KCNC1: variants seen among roughly 807,000 people sequenced by gnomAD.
The protein encoded by KCNC1 is voltage-gated potassium channel KCNC1.
KCNC1 carries 8 observed loss-of-function variants against 43.4 expected under a neutral mutation model. The observed-to-expected ratio is 0.18, with a 90% CI of 0.11 to 0.33. The LOEUF (loss-of-function observed/expected upper bound fraction) is 0.33. Among genes scored for constraint, KCNC1 ranks in the 10% least tolerant of loss-of-function variants. KCNC1 has a pLI of 1.00. For synonymous variants in KCNC1, 361 were observed against 360.5 expected, an observed-to-expected ratio of 1.00 and a Z score of -0.01; for missense variants, 420 against 836.0, an observed-to-expected ratio of 0.50 and a Z score of 6.14.
In KCNC1 at chr11:17,772,465, G is replaced by A. The variant is rs1271069886; in HGVS notation, c.1371G>A (p.Lys457=). ...AGCAGAAACTACCAAAGAAAAAAAA[G>A]AAGCATATTCCGCGGCCACCGCAGC... ...MAKQKLPKKK[K]KHIPRPPQLG... Residue 457 remains lysine (K), a synonymous_variant, in exon 2 of 4, where the codon AAG becomes AAA. Coordinates refer to ENST00000265969, the MANE Select transcript of KCNC1 (RefSeq NM_001112741.2). 1 of 1,614,156 alleles carries A rather than the reference G, an allele frequency of 6.2e-7. No individual in the cohort carries two copies. The highest frequency in any genetic ancestry group is 2.2e-5 in the East Asian group (1 of 44,878).
chr11:17,753,707 T>G (rs1392459039), intron 1 of KCNC1, among the ~76,000 whole-genome samples: 12 of 131,500 alleles, frequency 9.1e-5, no homozygotes, highest in South Asian at 2.9e-4. Flanking sequence ...GCGTGGGGGG[T>G]GGGGAGGGGG....
At position 17,779,739 on chromosome 11, in the gene KCNC1, C is replaced by A. The variant is rs1849326351; in HGVS notation, c.1693+95C>A. ...GGCGGCGGGCAAGGGCGCTGAGGGG[C>A]AGGCAGGCACACCGAGGGGGGCAAG... On this transcript the variant is annotated intron_variant, in intron 3 of 3. Coordinates refer to ENST00000265969, the MANE Select transcript of KCNC1 (RefSeq NM_001112741.2). This position sits in a 1 kb window ranked among gnomAD's most constrained non-coding sequence, Gnocchi z 7.2. The A allele has an allele frequency of 9.9e-7, 1 of 1,013,802 alleles. No homozygotes were observed. Among genetic ancestry groups the A allele is most frequent in the East Asian group, 3.1e-5 (1 of 32,608 alleles). 62.8% of individuals were successfully genotyped at this position (1,013,802 alleles called of 1,614,324 possible).
intron 1 of KCNC1, among the ~76,000 whole-genome samples, chr11:17,770,722 A>G (rs1387661231): frequency 6.6e-6 from 1 of 152,102 alleles, no homozygotes; most frequent in African/African-American, 2.4e-5. Context: ...GATCCTGGCC[A>G]TTTCCTTCTC....
rs772952660 is a variant in KCNC1, at chr11:17,779,267, G to A, written c.1505-189G>A. ...CAGCACTGTGGGCAGCCCGAAGGCT[G>A]CCTGAATGAGCTGAACCCCCCACCA... is the stretch of plus-strand genomic sequence containing the variant. On this transcript the variant is annotated intron_variant, in intron 2 of 3. Coordinates refer to ENST00000265969, the MANE Select transcript of KCNC1 (RefSeq NM_001112741.2). The surrounding 1 kb of genome is among the most constrained non-coding windows in gnomAD (Gnocchi z 7.2). 20 of 548,806 alleles carry A rather than the reference G, an allele frequency of 3.6e-5. No individual in the cohort carries two copies. The highest frequency in any genetic ancestry group is 5.4e-5 in the Non-Finnish European group (17 of 314,630). 34.0% of individuals were successfully genotyped at this position (548,806 alleles called of 1,614,324 possible).
chr11:17,763,647 C>CA (rs1849106824), intron 1 of KCNC1, among the ~76,000 whole-genome samples: 1 of 93,578 alleles, frequency 1.1e-5, no homozygotes, highest in Non-Finnish European at 2.2e-5. Context: ...CACCCCCACA[C>CA]CACACCACAC....
chr11:17,740,458 T>C (rs1848825187), intron 1 of KCNC1, among the ~76,000 whole-genome samples: 1 of 151,740 alleles, frequency 6.6e-6, no homozygotes, highest in Admixed American at 6.6e-5. Context: ...GTCATAGAGG[T>C]GTGAGAGCAG....
At chr11:17,762,766 T>C (rs546782169) in intron 1 of KCNC1, among the ~76,000 whole-genome samples, 4 of 152,182 alleles carry the variant, frequency 2.6e-5, no homozygotes, top group Non-Finnish European at 5.9e-5. Flanking sequence ...TCTCTGGTCC[T>C]GCTGAGTGCT....
At chr11:17,766,035 A>T (rs921545454) in intron 1 of KCNC1, 3 of 152,734 alleles carry the variant, frequency 2.0e-5, no homozygotes, top group Non-Finnish European at 4.4e-5. Flanking sequence ...GGAGGGGGAC[A>T]GACACTGAGT....
In KCNC1 at chr11:17,776,924, A is replaced by G. The variant is rs989961827; in HGVS notation, c.1505-2532A>G. 6.1e-6 allele frequency: 6 copies of G among 985,318 alleles called. No individual in the cohort carries two copies. In the African/African-American group the frequency reaches 7.0e-5, roughly 11 times the overall value. 61.0% of individuals were successfully genotyped at this position (985,318 alleles called of 1,614,324 possible). On this transcript the variant is annotated intron_variant, in intron 2 of 3. Transcript: ENST00000265969. This position sits in a 1 kb window ranked among gnomAD's most constrained non-coding sequence, Gnocchi z 4.4. ...AGCCCAGGGGCCTGGGCCCCTTCAC[A>G]GAGCAAGACTTAAGCTTCCCCACCC...
chr11:17,776,749 G>T lies in KCNC1; in HGVS notation c.1505-2707G>T. 1 of 985,436 alleles carries T rather than the reference G, an allele frequency of 1.0e-6. No individual in the cohort carries two copies. The highest frequency in any genetic ancestry group is 5.2e-4 in the Middle Eastern group (1 of 1,912). 61.0% of individuals were successfully genotyped at this position (985,436 alleles called of 1,614,324 possible). A position where few individuals can be genotyped will look rare whatever the true frequency, so the allele number is the denominator to read the frequency against. On this transcript the variant is annotated intron_variant, in intron 2 of 3. Transcript: ENST00000265969. This position sits in a 1 kb window ranked among gnomAD's most constrained non-coding sequence, Gnocchi z 4.4. Reference sequence around the variant, plus strand: ...TCATCCAAAGGATGGGGCAGGGGCGGGGGCTCACACCTTTGACCCTATTCA... The same window carrying T: ...TCATCCAAAGGATGGGGCAGGGGCGTGGGCTCACACCTTTGACCCTATTCA...
chr11:17,778,629 TG>T (rs1159454944), intron 2 of KCNC1, among the ~76,000 whole-genome samples: 1 of 151,994 alleles, frequency 6.6e-6, no homozygotes, highest in Non-Finnish European at 1.5e-5. Context: ...TCCGTCCATG[TG>T]GGGGACGGAG....
intron 2 of KCNC1, 170 bp downstream of exon 2, chr11:17,772,768 T>C: frequency 6.7e-7 from 1 of 1,486,940 alleles, no homozygotes; most frequent in Non-Finnish European, 8.9e-7. Flanking sequence ...GGCGGCCAAA[T>C]TCAGCAGGCA....
rs1237093699 is a variant in KCNC1 at position 17,739,032 on chromosome 11, G to A, written c.570+2460G>A. 2.0e-5 allele frequency among the ~76,000 whole-genome samples: 3 copies of A among 152,208 alleles called. No homozygotes were observed. The highest frequency in any genetic ancestry group is 1.9e-4 in the East Asian group (1 of 5,188). On this transcript the variant is annotated intron_variant, in intron 1 of 3. Transcript: ENST00000265969. This position sits in a 1 kb window ranked among gnomAD's most constrained non-coding sequence, Gnocchi z 4.2. ...TTAGAACCCCAGCTTCCTGCCGCCC[G>A]CCCGGCTGGCCTAGCTGCACTGCGC... is the stretch of plus-strand genomic sequence containing the variant.
In KCNC1 at chr11:17,781,354, C is replaced by A. The variant is rs1849343623; in HGVS notation, c.1694-316C>A. 1 of 325,232 alleles carries A rather than the reference C, an allele frequency of 3.1e-6. No homozygotes were observed. The highest frequency in any genetic ancestry group is 5.7e-6 in the Non-Finnish European group (1 of 176,504). The allele number at this position is 325,232 out of a possible 1,614,324, so 20.1% of individuals were successfully genotyped here. On this transcript the variant is annotated intron_variant, in intron 3 of 3. Coordinates refer to ENST00000265969, the MANE Select transcript of KCNC1 (RefSeq NM_001112741.2). This position sits in a 1 kb window ranked among gnomAD's most constrained non-coding sequence, Gnocchi z 5.1. ...AGTGTCCCCACCTACATCCATTCGG[C>A]CCGCGCTCTCATGGAGCCACGACAG...
intron 1 of KCNC1, among the ~76,000 whole-genome samples, chr11:17,766,106 C>T (rs893160152): frequency 2.6e-5 from 4 of 152,188 alleles, no homozygotes; most frequent in African/African-American, 9.6e-5. Flanking sequence ...ACAGCCAGGG[C>T]CTCCATGTGC....
chr11:17,745,079 C>T (rs78110584), intron 1 of KCNC1, among the ~76,000 whole-genome samples: 12 of 152,186 alleles, frequency 7.9e-5, no homozygotes, highest in African/African-American at 2.2e-4. Flanking sequence ...GCCCTGAAAC[C>T]GATTCAGAAT....
chr11:17,741,953 C>T (rs1236459168), intron 1 of KCNC1, among the ~76,000 whole-genome samples: 1 of 152,238 alleles, frequency 6.6e-6, no homozygotes, highest in African/African-American at 2.4e-5. Flanking sequence ...AGAACCAGGG[C>T]CCTTCCTGGG....
At chr11:17,764,388 C>A (rs1168427066) in intron 1 of KCNC1, among the ~76,000 whole-genome samples, 1 of 152,120 alleles carries the variant, frequency 6.6e-6, no homozygotes, top group Non-Finnish European at 1.5e-5. Flanking sequence ...ACAAACACAT[C>A]CCATATCTGT....
chr11:17,779,723 C>T lies in KCNC1; in HGVS notation c.1693+79C>T. The T allele has an allele frequency of 4.1e-6, 5 of 1,220,904 alleles. No homozygotes were observed. The highest frequency in any genetic ancestry group is 5.4e-6 in the Non-Finnish European group (5 of 921,292). 75.6% of individuals were successfully genotyped at this position (1,220,904 alleles called of 1,614,324 possible). A position where few individuals can be genotyped will look rare whatever the true frequency, so the allele number is the denominator to read the frequency against. On this transcript the variant is annotated intron_variant, in intron 3 of 3. Coordinates refer to ENST00000265969, the MANE Select transcript of KCNC1 (RefSeq NM_001112741.2). This position sits in a 1 kb window ranked among gnomAD's most constrained non-coding sequence, Gnocchi z 7.2. ...GCAGATGGGTGGGCAGGGCGGCGGGCAAGGGCGCTGAGGGGCAGGCAGGCA... is the reference window on the plus strand; with the variant it reads ...GCAGATGGGTGGGCAGGGCGGCGGGTAAGGGCGCTGAGGGGCAGGCAGGCA...
Sources: gnomAD v4.1 joint callset for allele counts (sites outside exome capture counted in the v4.1 genomes callset) on GRCh38, gnomAD v4.1.1 for gene constraint, Gnocchi (gnomAD v3.1) non-coding constraint, MANE v1.5 for transcripts, NCBI Gene and HGNC (gene_info 2026-07-23, HGNC 2026-07-21) for gene names.